OSBPL9: variants seen among roughly 807,000 people sequenced by gnomAD.
OSBPL9 encodes the protein oxysterol-binding protein-related protein 9.
Under a neutral mutation model 106.6 loss-of-function variants are expected in OSBPL9, and 40 were observed. The ratio of observed to expected loss-of-function variants is 0.38; its 90% CI spans 0.29 to 0.49. The LOEUF (loss-of-function observed/expected upper bound fraction) is 0.49. OSBPL9 is among the 20% of genes least tolerant of loss of function. OSBPL9 has a pLI of 0.97. For missense variants in OSBPL9, 609 were observed against 887.2 expected, an observed-to-expected ratio of 0.69 and a Z score of 3.98; for synonymous variants, 269 against 295.4, an observed-to-expected ratio of 0.91 and a Z score of 0.92.
intron 4 of OSBPL9, among the ~76,000 whole-genome samples, chr1:51,735,799 G>C (rs1665548272): frequency 6.6e-6 from 1 of 152,180 alleles, no homozygotes; most frequent in South Asian, 2.1e-4. Context: ...CGAGTTTTTA[G>C]AGAGACAAGA....
intron 2 of OSBPL9, among the ~76,000 whole-genome samples, chr1:51,666,165 C>T (rs1457984889): frequency 1.3e-5 from 2 of 152,028 alleles, no homozygotes; most frequent in Non-Finnish European, 2.9e-5. Flanking sequence ...AAGTTCTGTA[C>T]AACAAAACTA....
upstream of OSBPL9, among the ~76,000 whole-genome samples, chr1:51,573,669 C>T (rs1367600149): frequency 1.3e-5 from 2 of 151,660 alleles, no homozygotes; most frequent in African/African-American, 2.4e-5. Context: ...TAAACATTAG[C>T]TGAGCAGGGT....
intron 2 of OSBPL9, among the ~76,000 whole-genome samples, chr1:51,603,672 A>G (rs1285835743): frequency 6.6e-6 from 1 of 152,154 alleles, no homozygotes; most frequent in East Asian, 1.9e-4. Context: ...TTTAGGAGAT[A>G]CTAGTAGTTA....
intron 1 of OSBPL9, among the ~76,000 whole-genome samples, chr1:51,647,119 T>C (rs1646206133): frequency 6.6e-6 from 1 of 152,214 alleles, no homozygotes; most frequent in Admixed American, 6.5e-5. Flanking sequence ...TGTTGAGTGG[T>C]TTTTATCATG....
upstream of OSBPL9, among the ~76,000 whole-genome samples, chr1:51,576,122 G>A (rs778207424): frequency 2.2e-4 from 33 of 152,194 alleles, no homozygotes; most frequent in Non-Finnish European, 4.4e-4. Flanking sequence ...CTTTTCTCCT[G>A]TTAATCTGTC....
At chr1:51,575,601 G>C (rs1645178724), upstream of OSBPL9, among the ~76,000 whole-genome samples, 1 of 152,184 alleles carries the variant, frequency 6.6e-6, no homozygotes, top group Middle Eastern at 3.4e-3. Context: ...GGCTCTGTCA[G>C]CTCCTATTAC....
chr1:51,753,972 G>A (rs913070588), intron 8 of OSBPL9, among the ~76,000 whole-genome samples: 3 of 152,208 alleles, frequency 2.0e-5, no homozygotes, highest in Non-Finnish European at 4.4e-5. Flanking sequence ...AGACCACCTG[G>A]TTAGTGGAAT....
chr1:51,703,647 A>G (rs953842629), intron 3 of OSBPL9, among the ~76,000 whole-genome samples: 3 of 152,162 alleles, frequency 2.0e-5, no homozygotes, highest in Admixed American at 6.5e-5. Context: ...CTCCTGCCTG[A>G]TTGCCCTGGC....
chr1:51,551,786 G>A, the OSBPL9 span, among the ~76,000 whole-genome samples: 1 of 151,648 alleles, frequency 6.6e-6, no homozygotes, highest in Non-Finnish European at 1.5e-5. Flanking sequence ...AGGGATGGGG[G>A]TTCACTATGT....
At chr1:51,596,848 C>A (rs1218610206) in intron 1 of OSBPL9, among the ~76,000 whole-genome samples, 1 of 152,164 alleles carries the variant, frequency 6.6e-6, no homozygotes, top group Admixed American at 6.5e-5. Flanking sequence ...TGGGCTAGGA[C>A]TGAAGATACA....
At chr1:51,664,299 A>C (rs1260850297) in intron 2 of OSBPL9, among the ~76,000 whole-genome samples, 1 of 152,208 alleles carries the variant, frequency 6.6e-6, no homozygotes. Flanking sequence ...TGAACAAACT[A>C]CTGCTTCATG....
At chr1:51,705,186 T>C (rs1461050436) in intron 3 of OSBPL9, among the ~76,000 whole-genome samples, 1 of 151,480 alleles carries the variant, frequency 6.6e-6, no homozygotes, top group Non-Finnish European at 1.5e-5. Context: ...TCCTCATTCC[T>C]GTTTTTTTAA....
chr1:51,765,795 T>C lies in OSBPL9; in HGVS notation c.779-27T>C, dbSNP rs772285975. ...AGTTTCTTCTCTTTCACCAATATTT[T>C]TCTCTAAAACCCTTTTAACTTCCTA... On this transcript the variant is annotated intron_variant, in intron 11 of 23. Coordinates refer to ENST00000428468, the MANE Select transcript of OSBPL9 (RefSeq NM_024586.6). 5 of 1,567,622 alleles carry C rather than the reference T, an allele frequency of 3.2e-6. No homozygotes were observed. In the Admixed American group the frequency reaches 9.9e-5, roughly 31 times the overall value.
At chr1:51,702,419 C>T (rs1177489433) in intron 3 of OSBPL9, among the ~76,000 whole-genome samples, 7 of 151,998 alleles carry the variant, frequency 4.6e-5, no homozygotes, top group South Asian at 2.1e-4. Flanking sequence ...CATTTTTTCA[C>T]GTGTCTGTTG....
chr1:51,679,560 G>C lies in OSBPL9; in HGVS notation c.241+10048G>C, dbSNP rs150529172. Among the ~76,000 whole-genome samples, 24 of 152,308 alleles carry C rather than the reference G, an allele frequency of 1.6e-4. No homozygotes were observed. In the East Asian group the frequency reaches 4.4e-3, roughly 28 times the overall value. ...ACACAGTTTCAGTTACCTGTGGTCAGCTGTGGTCTGAACATATTCAATAGA... is the reference window on the plus strand; with the variant it reads ...ACACAGTTTCAGTTACCTGTGGTCACCTGTGGTCTGAACATATTCAATAGA... On this transcript the variant is annotated intron_variant, in intron 3 of 23. Coordinates refer to ENST00000428468, the MANE Select transcript of OSBPL9 (RefSeq NM_024586.6).
the OSBPL9 span, among the ~76,000 whole-genome samples, chr1:51,544,899 A>G: frequency 1.6e-5 from 2 of 127,538 alleles, no homozygotes; most frequent in African/African-American, 3.1e-5. Flanking sequence ...GCTGGAGTGC[A>G]GTGGCTTGAT....
At chr1:51,518,813 G>C in the OSBPL9 span, among the ~76,000 whole-genome samples, 1 of 151,766 alleles carries the variant, frequency 6.6e-6, no homozygotes, top group South Asian at 2.1e-4. Flanking sequence ...AGCTCAACAG[G>C]AGCTCACCTG....
intron 14 of OSBPL9, among the ~76,000 whole-genome samples, chr1:51,773,286 T>C (rs1459699084): frequency 6.6e-6 from 1 of 152,188 alleles, no homozygotes; most frequent in Non-Finnish European, 1.5e-5. Context: ...GATTTGAATT[T>C]GAATTTAAAC....
At chr1:51,694,097 A>G (rs1655543758) in intron 3 of OSBPL9, among the ~76,000 whole-genome samples, 1 of 152,164 alleles carries the variant, frequency 6.6e-6, no homozygotes. Flanking sequence ...TACACTTTTT[A>G]ATGTTATTTA....
Sources: allele counts gnomAD v4.1 joint callset (sites outside exome capture counted in the v4.1 genomes callset), GRCh38; gene constraint gnomAD v4.1.1; transcripts MANE v1.5; gene names NCBI Gene and HGNC (gene_info 2026-07-23, HGNC 2026-07-21).